RCL1: variants seen among roughly 807,000 people sequenced by gnomAD.
RCL1 encodes RNA 3'-terminal phosphate cyclase-like protein.
RCL1 carries 24 observed loss-of-function variants against 42.4 expected under a neutral mutation model. The ratio of observed to expected loss-of-function variants is 0.57; its 90% confidence interval spans 0.41 to 0.80. The LOEUF (loss-of-function observed/expected upper bound fraction) is 0.80. Ranked by LOEUF, RCL1 falls within the 30% of genes least tolerant of loss-of-function variation. The pLI, the probability that RCL1 is intolerant of heterozygous loss-of-function variation, is 0.00. For synonymous variants in RCL1, 228 were observed against 177.3 expected, an observed-to-expected ratio of 1.29 and a Z score of -2.27; for missense variants, 578 against 467.9, an observed-to-expected ratio of 1.24 and a Z score of -2.17.
In RCL1 at chr9:4,793,049, T is replaced by C. The variant is rs761566825; in HGVS notation, c.-43T>C. On this transcript the variant is annotated 5_prime_UTR_variant, in exon 1 of 9. Transcript: ENST00000381750. Reference sequence around the variant, plus strand: ...TCACGAGTCCCGCGTCTGTCCGAAGTCGCCGCTCTCGGGCTGCTCACGTCT... The same window carrying C: ...TCACGAGTCCCGCGTCTGTCCGAAGCCGCCGCTCTCGGGCTGCTCACGTCT... The C allele has an allele frequency of 5.7e-6, 9 of 1,578,236 alleles. No individual in the cohort carries two copies. Among genetic ancestry groups the C allele is most frequent in the Non-Finnish European group, 7.8e-6 (9 of 1,160,710 alleles).
chr9:4,857,525 G>T (rs1399496368), intron 8 of RCL1, among the ~76,000 whole-genome samples: 3 of 152,092 alleles, frequency 2.0e-5, no homozygotes, highest in Non-Finnish European at 4.4e-5. Context: ...GTAGACATTT[G>T]GGTTGCTTCT....
chr9:4,815,095 A>C (rs1816324173), intron 1 of RCL1, among the ~76,000 whole-genome samples: 1 of 151,832 alleles, frequency 6.6e-6, no homozygotes, highest in Admixed American at 6.6e-5. Context: ...CCTTGGGAAG[A>C]CCCTTTTGGG....
Position 4,844,700 on chromosome 9 carries a change from C to A in RCL1, c.867+19C>A, listed in dbSNP as rs772145855. ...CTACAGGGTATGTCCACAGCTTCCT[C>A]TGATAGAGGAGTGACCAGGAAGCAG... On this transcript the variant is annotated intron_variant, in intron 7 of 8. Coordinates refer to ENST00000381750, the MANE Select transcript of RCL1 (RefSeq NM_005772.5). The A allele has an allele frequency of 2.5e-6, 4 of 1,604,770 alleles. No individual in the cohort carries two copies. The highest frequency in any genetic ancestry group is 2.0e-4 in the Middle Eastern group (1 of 5,074).
At chr9:4,845,777 C>G (rs542927190) in intron 7 of RCL1, among the ~76,000 whole-genome samples, 1 of 152,212 alleles carries the variant, frequency 6.6e-6, no homozygotes, top group Admixed American at 6.5e-5. Context: ...AAGAACTATA[C>G]TCTAGTTGAT....
Position 4,834,007 on chromosome 9 carries a change from G to T in RCL1, c.460-134G>T, listed in dbSNP as rs1022070201. Reference sequence around the variant, plus strand: ...CATAAGGTGCTGTTGGTCTTGAAGGGAATGACAGATTGAATATGGAAGAGC... The same window carrying T: ...CATAAGGTGCTGTTGGTCTTGAAGGTAATGACAGATTGAATATGGAAGAGC... On this transcript the variant is annotated intron_variant, in intron 4 of 8. Transcript: ENST00000381750. 36 of 974,724 alleles carry T rather than the reference G, an allele frequency of 3.7e-5. No homozygotes were observed. In the African/African-American group the frequency reaches 5.6e-4, roughly 15 times the overall value. 60.4% of individuals were successfully genotyped at this position (974,724 alleles called of 1,614,324 possible). A position where few individuals can be genotyped will look rare whatever the true frequency, so the allele number is the denominator to read the frequency against.
chr9:4,796,556 T>C (rs1842917352), intron 1 of RCL1, among the ~76,000 whole-genome samples: 1 of 152,122 alleles, frequency 6.6e-6, no homozygotes, highest in African/African-American at 2.4e-5. Context: ...CCACAGCATC[T>C]AGTTGATTTT....
intron 1 of RCL1, among the ~76,000 whole-genome samples, chr9:4,817,960 G>C (rs1458979013): frequency 1.5e-5 from 1 of 67,228 alleles, no homozygotes; most frequent in African/African-American, 6.9e-5. Context: ...GGCTTTTGTT[G>C]CCTGGGCTGG....
chr9:4,818,871 CAAAAA>C (rs34209971), intron 1 of RCL1, among the ~76,000 whole-genome samples: 2 of 115,156 alleles, frequency 1.7e-5, no homozygotes, highest in Non-Finnish European at 3.6e-5. Context: ...GACTCTGTCT[CAAAAA>C]AAAAAAAAAA....
chr9:4,799,034 C>T (rs1353061434), intron 1 of RCL1, among the ~76,000 whole-genome samples: 1 of 109,224 alleles, frequency 9.2e-6, no homozygotes. Flanking sequence ...GTCTTCTTTC[C>T]CCCTTCCCCC....
At chr9:4,854,695 C>A (rs1221936013) in intron 8 of RCL1, among the ~76,000 whole-genome samples, 1 of 152,190 alleles carries the variant, frequency 6.6e-6, no homozygotes, top group African/African-American at 2.4e-5. Flanking sequence ...TCAACGGACC[C>A]ATGACCACAA....
chr9:4,838,108 G>T (rs559598917), intron 5 of RCL1, among the ~76,000 whole-genome samples: 19 of 152,314 alleles, frequency 1.2e-4, no homozygotes, highest in Non-Finnish European at 2.5e-4. Context: ...TGGTTTTGTG[G>T]TTTTTTTCCT....
intron 1 of RCL1, among the ~76,000 whole-genome samples, chr9:4,811,066 A>G (rs1816156004): frequency 6.6e-6 from 1 of 152,090 alleles, no homozygotes; most frequent in Non-Finnish European, 1.5e-5. Context: ...TGTTCTAGCT[A>G]TTTGAAAATA....
At position 4,826,540 on chromosome 9, in the gene RCL1, A is replaced by G. The variant is rs1297113852; in HGVS notation, c.209-318A>G. On this transcript the variant is annotated intron_variant, in intron 2 of 8. Transcript: ENST00000381750. ...CCTCTGTGGTCAGCCTAGTCTGAGAATGTGCTGTTGGGAGACTAGGGTGCT... is the reference window on the plus strand; with the variant it reads ...CCTCTGTGGTCAGCCTAGTCTGAGAGTGTGCTGTTGGGAGACTAGGGTGCT... Among the ~76,000 whole-genome samples, 3 of 152,152 alleles carry G rather than the reference A, an allele frequency of 2.0e-5. No individual in the cohort carries two copies. In the East Asian group the frequency reaches 5.8e-4, roughly 29 times the overall value.
intron 8 of RCL1, among the ~76,000 whole-genome samples, chr9:4,851,101 T>C (rs1434832118): frequency 2.0e-5 from 3 of 152,202 alleles, no homozygotes; most frequent in Non-Finnish European, 4.4e-5. Flanking sequence ...TTTGCAGAGA[T>C]GCTCAAGATA....
At chr9:4,794,827 T>C (rs1016309248) in intron 1 of RCL1, among the ~76,000 whole-genome samples, 7 of 152,154 alleles carry the variant, frequency 4.6e-5, no homozygotes, top group African/African-American at 1.7e-4. Context: ...ATCTCACACA[T>C]ATGAGCTCCC....
chr9:4,807,903 G>A (rs573653367), intron 1 of RCL1, among the ~76,000 whole-genome samples: 8 of 152,014 alleles, frequency 5.3e-5, no homozygotes, highest in East Asian at 3.9e-4. Flanking sequence ...TTCCATTACG[G>A]TCAGAAAACA....
chr9:4,858,800 A>G (rs973001837), intron 8 of RCL1, among the ~76,000 whole-genome samples: 15 of 152,100 alleles, frequency 9.9e-5, no homozygotes, highest in Admixed American at 9.8e-4. Flanking sequence ...TGATTGGGAG[A>G]CAGTACAGTG....
At chr9:4,833,677 T>C (rs1405057421) in intron 4 of RCL1, among the ~76,000 whole-genome samples, 1 of 152,252 alleles carries the variant, frequency 6.6e-6, no homozygotes, top group Non-Finnish European at 1.5e-5. Flanking sequence ...ATCTGTATTT[T>C]GTTGAATTAT....
intron 5 of RCL1, 58 bp from the exon 6 acceptor site, chr9:4,841,174 C>A (rs745771409): frequency 1.4e-5 from 22 of 1,603,214 alleles, no homozygotes; most frequent in Non-Finnish European, 1.8e-5. Context: ...AGCTTTATAA[C>A]TGATTTTTCT....
Sources: gnomAD v4.1 joint callset for allele counts (sites outside exome capture counted in the v4.1 genomes callset) on GRCh38, gnomAD v4.1.1 for gene constraint, MANE v1.5 for transcripts, NCBI Gene and HGNC (gene_info 2026-07-23, HGNC 2026-07-21) for gene names.